PLXNA4: variants seen among roughly 807,000 people sequenced by gnomAD.
PLXNA4 encodes the protein plexin-A4.
PLXNA4 carries 44 observed loss-of-function variants against 191.8 expected under a neutral mutation model. That is an observed-to-expected ratio of 0.23 (90% CI 0.18 to 0.29). PLXNA4 has a LOEUF of 0.29. Ranked by LOEUF, PLXNA4 falls within the 10% of genes least tolerant of loss-of-function variation. The probability of loss-of-function intolerance (pLI) is 1.00; values close to 1 mark genes in which losing one functional copy is unlikely to be tolerated. For missense variants in PLXNA4, 1,800 were observed against 2,488.8 expected (o/e 0.72, Z 5.89); for synonymous variants, 1,082 against 1,009.5 (o/e 1.07, Z -1.36).
At chr7:132,169,523 A>C (rs1308970635) in intron 21 of PLXNA4, among the ~76,000 whole-genome samples, 1 of 152,228 alleles carries the variant, frequency 6.6e-6, no homozygotes, top group Admixed American at 6.5e-5. Flanking sequence ...AGAATGAATG[A>C]CCTATTGCTA....
At chr7:132,286,853 C>T (rs1377894019) in intron 4 of PLXNA4, among the ~76,000 whole-genome samples, 1 of 152,164 alleles carries the variant, frequency 6.6e-6, no homozygotes, top group Admixed American at 6.5e-5. Flanking sequence ...CCTCCTGGGC[C>T]CTCCATCCCC....
At chr7:132,600,322 C>A (rs1377246624) in intron 2 of PLXNA4, among the ~76,000 whole-genome samples, 1 of 152,044 alleles carries the variant, frequency 6.6e-6, no homozygotes, top group Non-Finnish European at 1.5e-5. Flanking sequence ...GTTATCACTT[C>A]AATTTCTTTA....
intron 21 of PLXNA4, among the ~76,000 whole-genome samples, chr7:132,171,077 C>A (rs947261879): frequency 6.6e-6 from 1 of 152,226 alleles, no homozygotes; most frequent in Non-Finnish European, 1.5e-5. Flanking sequence ...TCAATCTGCC[C>A]ATTTATCTGT....
At position 132,438,576 on chromosome 7, in the gene PLXNA4, T is replaced by A. The variant is rs141392344; in HGVS notation, c.1371+50716A>T. Among the ~76,000 whole-genome samples, 738 of 152,306 alleles carry A rather than the reference T, an allele frequency of 4.8e-3. 11 individuals are homozygous for A. The highest frequency in any genetic ancestry group is 0.016 in the African/African-American group (666 of 41,566). On this transcript the variant is annotated intron_variant, in intron 3 of 31. Transcript: ENST00000321063. ...TCTAACTGGATAATCTCAGTATTAGTCTAACATATATTTAAAAGTATCCCA... is the reference window on the plus strand; with the variant it reads ...TCTAACTGGATAATCTCAGTATTAGACTAACATATATTTAAAAGTATCCCA...
intron 3 of PLXNA4, among the ~76,000 whole-genome samples, chr7:132,298,507 C>G (rs1231597554): frequency 6.6e-6 from 1 of 152,216 alleles, no homozygotes; most frequent in African/African-American, 2.4e-5. Flanking sequence ...GCCTTTCTTG[C>G]TGGTCTTTGG....
rs562146466 is a variant in PLXNA4 at position 132,313,875 on chromosome 7, A to G, written c.1372-15653T>C. ...TGTCTCTAAGGGTCACATCAGACAC[A>G]TTCCATAGATTACAGAATACAGATT... On this transcript the variant is annotated intron_variant, in intron 3 of 31. Coordinates refer to ENST00000321063, the MANE Select transcript of PLXNA4 (RefSeq NM_020911.2). Among the ~76,000 whole-genome samples, 8 of 152,272 alleles carry G rather than the reference A, an allele frequency of 5.3e-5. No homozygotes were observed. In the South Asian group the frequency reaches 1.7e-3, roughly 32 times the overall value.
chr7:132,195,050 A>G (rs1050570105), intron 13 of PLXNA4, among the ~76,000 whole-genome samples: 7 of 152,156 alleles, frequency 4.6e-5, no homozygotes, highest in African/African-American at 1.7e-4. Context: ...GCATACATAT[A>G]CACATATATA....
intron 2 of PLXNA4, among the ~76,000 whole-genome samples, chr7:132,597,999 A>G (rs1802748896): frequency 1.3e-5 from 2 of 152,186 alleles, no homozygotes; most frequent in Non-Finnish European, 2.9e-5. Context: ...TTAGGGACCT[A>G]TGGAATATAT....
At chr7:132,480,463 G>A (rs1797292700) in intron 3 of PLXNA4, among the ~76,000 whole-genome samples, 1 of 152,148 alleles carries the variant, frequency 6.6e-6, no homozygotes. Context: ...TCAAGACAGG[G>A]ACCGTGGATA....
intron 3 of PLXNA4, among the ~76,000 whole-genome samples, chr7:132,390,893 C>T (rs1214802841): frequency 6.6e-6 from 1 of 152,152 alleles, no homozygotes; most frequent in Non-Finnish European, 1.5e-5. Context: ...AAAATGATGT[C>T]TGTAATAAGA....
intron 3 of PLXNA4, among the ~76,000 whole-genome samples, chr7:132,376,325 G>A (rs137942154): frequency 6.6e-6 from 1 of 152,300 alleles, no homozygotes; most frequent in African/African-American, 2.4e-5. Context: ...ACAGGGAAGG[G>A]AAGAAGAAAT....
At chr7:132,523,972 AT>A (rs1799296087) in intron 1 of PLXNA4, among the ~76,000 whole-genome samples, 1 of 152,112 alleles carries the variant, frequency 6.6e-6, no homozygotes. Context: ...CAAGAGAACA[AT>A]CAAGGGAGGT....
intron 3 of PLXNA4, among the ~76,000 whole-genome samples, chr7:132,476,011 G>C (rs890319011): frequency 1.9e-4 from 29 of 152,240 alleles, no homozygotes; most frequent in Non-Finnish European, 3.4e-4. Flanking sequence ...CCCCAGGCTT[G>C]AGTGCAGAGA....
At chr7:132,472,731 T>C (rs1796975678) in intron 3 of PLXNA4, among the ~76,000 whole-genome samples, 2 of 152,124 alleles carry the variant, frequency 1.3e-5, no homozygotes, top group African/African-American at 4.8e-5. Context: ...GCTAGTCCCA[T>C]AATGTAGGTG....
intron 1 of PLXNA4, among the ~76,000 whole-genome samples, chr7:132,556,716 G>A (rs1325325408): frequency 6.6e-6 from 1 of 152,228 alleles, no homozygotes; most frequent in African/African-American, 2.4e-5. Flanking sequence ...CCATGTCAAA[G>A]GGTTCCGTCC....
At chr7:132,164,783 A>C (rs1465952296) in intron 23 of PLXNA4, among the ~76,000 whole-genome samples, 2 of 152,256 alleles carry the variant, frequency 1.3e-5, no homozygotes, top group African/African-American at 4.8e-5. Context: ...TATCAGCCTC[A>C]GTAAGTCTGG....
At chr7:132,363,491 T>G (rs1804029511) in intron 3 of PLXNA4, among the ~76,000 whole-genome samples, 1 of 152,238 alleles carries the variant, frequency 6.6e-6, no homozygotes, top group African/African-American at 2.4e-5. Context: ...GTCTTCAAGG[T>G]TCATCCATGT....
Position 132,137,896 on chromosome 7 carries a change from C to T in PLXNA4, c.5438+2703G>A, listed in dbSNP as rs777111332. Among the ~76,000 whole-genome samples, 9 of 148,932 alleles carry T rather than the reference C, an allele frequency of 6.0e-5. No individual in the cohort carries two copies. In the South Asian group the frequency reaches 6.5e-4, roughly 11 times the overall value. ...AGAGAAGGGAGGGCAGGTGGGAGGA[C>T]GGATGAGAGGATGAGTATGAGGATG... On this transcript the variant is annotated intron_variant, in intron 30 of 31. Coordinates refer to ENST00000321063, the MANE Select transcript of PLXNA4 (RefSeq NM_020911.2).
In PLXNA4 at chr7:132,214,850, C is replaced by T. The variant is rs1797916099; in HGVS notation, c.2098-3707G>A. ...TCTTGAACAAGTGCTCTCACCATTG[C>T]TTGGCTTAACCATGACTAGGGACTG... On this transcript the variant is annotated intron_variant, in intron 9 of 31. Transcript: ENST00000321063. Among the ~76,000 whole-genome samples the T allele has an allele frequency of 2.0e-5, 3 of 152,184 alleles. No homozygotes were observed. The South Asian group carries it at 6.2e-4, about 32-fold the overall frequency.
Sources: gnomAD v4.1 joint callset for allele counts (sites outside exome capture counted in the v4.1 genomes callset) on GRCh38, gnomAD v4.1.1 for gene constraint, MANE v1.5 for transcripts, NCBI Gene and HGNC (gene_info 2026-07-23, HGNC 2026-07-21) for gene names.